The following VPS37A variants were observed in gnomAD, a reference collection of about 807,000 sequenced individuals.
VPS37A encodes VPS37A subunit of ESCRT-I.
In VPS37A, 30 loss-of-function variants were observed where a neutral mutation model predicts 49.8. The observed-to-expected ratio is 0.60, with a 90% CI of 0.45 to 0.82. The LOEUF is 0.82. VPS37A is among the 40% of genes least tolerant of loss of function. The probability of loss-of-function intolerance (pLI) is 0.00; values close to 1 mark genes in which losing one functional copy is unlikely to be tolerated. For synonymous variants in VPS37A, 195 were observed against 160.6 expected (o/e 1.21, Z -1.62); for missense variants, 593 against 464.4 (o/e 1.28, Z -2.55).
chr8:17,286,630 T>C (rs1358905559), intron 11 of VPS37A: 2 of 480,100 alleles, frequency 4.2e-6, no homozygotes, highest in African/African-American at 3.9e-5. Context: ...ATATTTTCTG[T>C]GATCTTGGCA....
At chr8:17,280,487 T>TTA (rs2150403109) in intron 9 of VPS37A, 44 bp downstream of exon 9, 3 of 1,525,898 alleles carry the variant, frequency 2.0e-6, no homozygotes, top group Admixed American at 2.1e-5. Context: ...ATTTTTTTTT[T>TTA]AATCTTATGT....
At chr8:17,301,888 C>A, downstream of VPS37A, 1 of 441,506 alleles carries the variant, frequency 2.3e-6, no homozygotes, top group Non-Finnish European at 4.0e-6. Flanking sequence ...TCTCAAATAA[C>A]AGTAACCAAA....
At chr8:17,315,115 T>C in the VPS37A span, among the ~76,000 whole-genome samples, 18 of 152,278 alleles carry the variant, frequency 1.2e-4, no homozygotes, top group African/African-American at 4.3e-4. Flanking sequence ...TTTAAACATA[T>C]GAAGTTTAAA....
chr8:17,313,337 T>C, the VPS37A span: 1 of 1,613,344 alleles, frequency 6.2e-7, no homozygotes, highest in African/African-American at 1.3e-5. Flanking sequence ...TAATGTGCCT[T>C]AACCAGCCAG....
intron 6 of VPS37A, 75 bp downstream of exon 6, chr8:17,276,542 C>T: frequency 7.2e-7 from 1 of 1,385,360 alleles, no homozygotes; most frequent in Non-Finnish European, 9.9e-7. Context: ...ATTTCATATC[C>T]ATATAAATTA....
At chr8:17,300,173 T>C (rs762888547), downstream of VPS37A, 5 of 1,614,002 alleles carry the variant, frequency 3.1e-6, no homozygotes, top group African/African-American at 5.3e-5. Flanking sequence ...TCACTTTGCT[T>C]ACTCTTCACC....
downstream of VPS37A, chr8:17,301,825 G>A: frequency 2.7e-6 from 1 of 363,950 alleles, no homozygotes; most frequent in Non-Finnish European, 4.9e-6. Context: ...ACATATATTT[G>A]ATTTTATTCT....
intron 1 of VPS37A, among the ~76,000 whole-genome samples, chr8:17,258,763 A>G (rs1254399657): frequency 6.6e-6 from 1 of 151,974 alleles, no homozygotes. Flanking sequence ...CTTTGATGTG[A>G]GACTTTTTAT....
intron 2 of VPS37A, among the ~76,000 whole-genome samples, chr8:17,267,183 G>T (rs1329546932): frequency 6.6e-6 from 1 of 152,070 alleles, no homozygotes; most frequent in Non-Finnish European, 1.5e-5. Flanking sequence ...TACCAAACTA[G>T]TTTTAAAATC....
the VPS37A span, among the ~76,000 whole-genome samples, chr8:17,318,887 C>A: frequency 6.6e-6 from 1 of 152,166 alleles, no homozygotes; most frequent in Admixed American, 6.5e-5. Flanking sequence ...TCTGCTCTTC[C>A]AGGCACCCAG....
the VPS37A span, among the ~76,000 whole-genome samples, chr8:17,312,500 G>T: frequency 6.8e-6 from 1 of 147,432 alleles, no homozygotes; most frequent in African/African-American, 2.5e-5. Flanking sequence ...GCTTGAACCT[G>T]GGAGGCAGAG....
chr8:17,254,172 T>C (rs183529593), intron 1 of VPS37A, among the ~76,000 whole-genome samples: 253 of 152,268 alleles, frequency 1.7e-3, no homozygotes, highest in African/African-American at 5.5e-3. Context: ...CCTGTTGACT[T>C]GTTTGTGAAT....
At chr8:17,288,270 G>A (rs537732822) in intron 11 of VPS37A, among the ~76,000 whole-genome samples, 63 of 152,196 alleles carry the variant, frequency 4.1e-4, no homozygotes, top group South Asian at 1.9e-3. Flanking sequence ...TGTGCAGAAC[G>A]TACAGGTTTT....
chr8:17,270,092 C>CA (rs1813835010), intron 4 of VPS37A, among the ~76,000 whole-genome samples: 1 of 151,990 alleles, frequency 6.6e-6, no homozygotes, highest in South Asian at 2.1e-4. Context: ...CATGAGAACT[C>CA]ACTATGGCAA....
chr8:17,247,228 C>A lies in VPS37A; in HGVS notation c.-17C>A. The A allele has an allele frequency of 6.4e-7, 1 of 1,564,830 alleles. No homozygotes were observed. The highest frequency in any genetic ancestry group is 8.7e-7 in the Non-Finnish European group (1 of 1,154,654). On this transcript the variant is annotated 5_prime_UTR_variant, in exon 1 of 12. Transcript: ENST00000324849. ...GCCAGAGCCTTCCAGGGCCTCCGGC[C>A]CGTGGACCCGAGGAGGATGAGCTGG...
At chr8:17,316,814 GTTA>G in the VPS37A span, among the ~76,000 whole-genome samples, 1 of 152,046 alleles carries the variant, frequency 6.6e-6, no homozygotes, top group Non-Finnish European at 1.5e-5. Context: ...AATACACCAT[GTTA>G]TTATGTAAGG....
At chr8:17,309,769 A>G in the VPS37A span, among the ~76,000 whole-genome samples, 1 of 152,212 alleles carries the variant, frequency 6.6e-6, no homozygotes, top group Non-Finnish European at 1.5e-5. Context: ...CCAATGTGTG[A>G]TGCTGCCTCT....
Position 17,280,116 on chromosome 8 carries a change from G to A in VPS37A, c.802G>A (p.Asp268Asn), listed in dbSNP as rs574438273. Reference sequence around the variant, plus strand: ...GCCTCAACTAAAACAAATTATTACCGACAAAGATGACTTAGTAAAAAGTAT... The same window carrying A: ...GCCTCAACTAAAACAAATTATTACCAACAAAGATGACTTAGTAAAAAGTAT... Reference protein sequence around the residue: ...TLPQLKQIITDKDDLVKSIEE... With the variant: ...TLPQLKQIITNKDDLVKSIEE... The change falls in exon 7 of 12, where the codon GAC becomes AAC. Residue 268 changes from aspartate to asparagine, a missense_variant. Coordinates refer to ENST00000324849, the MANE Select transcript of VPS37A (RefSeq NM_152415.3). The A allele has an allele frequency of 1.4e-5, 22 of 1,612,426 alleles. No individual in the cohort carries two copies. Among genetic ancestry groups the A allele is most frequent in the Non-Finnish European group, 1.6e-5 (19 of 1,179,222 alleles).
At chr8:17,270,363 G>T (rs1038305689) in intron 4 of VPS37A, among the ~76,000 whole-genome samples, 3 of 152,100 alleles carry the variant, frequency 2.0e-5, no homozygotes, top group African/African-American at 2.4e-5. Flanking sequence ...TCCACTTTTT[G>T]CATTACCTGG....
Sources: allele counts gnomAD v4.1 joint callset (sites outside exome capture counted in the v4.1 genomes callset), GRCh38; gene constraint gnomAD v4.1.1; transcripts MANE v1.5; gene names NCBI Gene and HGNC (gene_info 2026-07-23, HGNC 2026-07-21).